The following PCDHA1 variants were observed in gnomAD, a reference collection of about 807,000 sequenced individuals.
PCDHA1 encodes the protein protocadherin alpha-1.
PCDHA1 carries 42 observed loss-of-function variants against 61.3 expected under a neutral mutation model. The ratio of observed to expected loss-of-function variants is 0.69; its 90% CI spans 0.54 to 0.89. PCDHA1 has a LOEUF of 0.89. PCDHA1 is among the 40% of genes least tolerant of loss of function. PCDHA1 has a pLI of 0.00. For synonymous variants in PCDHA1, 610 were observed against 553.8 expected (o/e 1.10, Z -1.43); for missense variants, 1,256 against 1,235.3 (o/e 1.02, Z -0.25).
At chr5:140,909,471 A>G (rs1398595420) in intron 1 of PCDHA1, among the ~76,000 whole-genome samples, 3 of 152,328 alleles carry the variant, frequency 2.0e-5, no homozygotes, top group African/African-American at 7.2e-5. Context: ...TCTTCTTCAC[A>G]GGCTAAATAG....
rs2150341542 is a variant in PCDHA1, at chr5:140,842,668, C to A, written c.2394+53984C>A. 1.2e-5 allele frequency: 19 copies of A among 1,595,382 alleles called. 1 individual carries two copies. Among genetic ancestry groups the A allele is most frequent in the East Asian group, 2.2e-5 (1 of 44,804 alleles). ...TGTCTGTGGAGGTGGCCGACGTGAACGACAATGCTCCGGCGTTCGCGCAGC... is the reference window on the plus strand; with the variant it reads ...TGTCTGTGGAGGTGGCCGACGTGAAAGACAATGCTCCGGCGTTCGCGCAGC... On this transcript the variant is annotated intron_variant, in intron 1 of 3. Transcript: ENST00000504120.
chr5:140,823,620 C>A, intron 1 of PCDHA1: 3 of 1,614,040 alleles, frequency 1.9e-6, no homozygotes, highest in South Asian at 1.1e-5. Context: ...CAGCGCCTGG[C>A]AGTGCGCGCA....
chr5:140,994,772 G>C (rs2097648880), intron 3 of PCDHA1, among the ~76,000 whole-genome samples: 2 of 152,118 alleles, frequency 1.3e-5, no homozygotes, highest in Non-Finnish European at 1.5e-5. Context: ...GAGAATTCCA[G>C]GCAAAGGAAA....
At chr5:140,959,591 A>C (rs2095498403) in intron 1 of PCDHA1, among the ~76,000 whole-genome samples, 1 of 152,220 alleles carries the variant, frequency 6.6e-6, no homozygotes, top group African/African-American at 2.4e-5. Context: ...CTATCAGCCA[A>C]GTATAACATG....
intron 1 of PCDHA1, chr5:140,928,189 G>A (rs1563102575): frequency 2.5e-6 from 4 of 1,614,214 alleles, no homozygotes; most frequent in Non-Finnish European, 3.4e-6. Context: ...GACAATCACT[G>A]TGTCAGTTGC....
At chr5:140,873,417 AATT>A (rs1443232738) in intron 1 of PCDHA1, among the ~76,000 whole-genome samples, 1 of 152,164 alleles carries the variant, frequency 6.6e-6, no homozygotes. Flanking sequence ...AAATTTTGTA[AATT>A]ATTATTTTAT....
At chr5:140,861,618 C>T (rs1035938345) in intron 1 of PCDHA1, 1 of 340,802 alleles carries the variant, frequency 2.9e-6, no homozygotes, top group Non-Finnish European at 6.0e-6. Flanking sequence ...AGACAACCTG[C>T]CAGTGTTCTC....
chr5:140,883,622 G>A, intron 1 of PCDHA1: 4 of 1,614,004 alleles, frequency 2.5e-6, no homozygotes, highest in Non-Finnish European at 3.4e-6. Context: ...GAACGACAAC[G>A]CGCCGGCGTT....
chr5:140,822,942 G>A, intron 1 of PCDHA1: 2 of 1,614,212 alleles, frequency 1.2e-6, no homozygotes, highest in African/African-American at 1.3e-5. Context: ...GCTCCCTAAT[G>A]CCCCACGTTC....
chr5:140,881,458 G>C (rs2058720447), intron 1 of PCDHA1: 1 of 671,966 alleles, frequency 1.5e-6, no homozygotes, highest in Non-Finnish European at 1.8e-6. Context: ...CAAAACCTTA[G>C]AGCATTGTTG....
chr5:140,845,017 A>T lies in PCDHA1; in HGVS notation c.2394+56333A>T, dbSNP rs1779662524. On this transcript the variant is annotated intron_variant, in intron 1 of 3. Transcript: ENST00000504120. ...TCACTTATGAACAAATAATGTAATC[A>T]TTTATGGGCATATTTTAGCCCCCTT... Among the ~76,000 whole-genome samples, 2 of 149,310 alleles carry T rather than the reference A, an allele frequency of 1.3e-5. 1 individual carries two copies. The highest frequency in any genetic ancestry group is 3.0e-5 in the Non-Finnish European group (2 of 66,738).
intron 1 of PCDHA1, chr5:140,822,934 T>C: frequency 6.2e-7 from 1 of 1,614,238 alleles, no homozygotes; most frequent in Non-Finnish European, 8.5e-7. Context: ...GGTGACCTGC[T>C]CCCTAATGCC....
chr5:141,000,304 G>A (rs1225893261), intron 3 of PCDHA1, among the ~76,000 whole-genome samples: 1 of 147,530 alleles, frequency 6.8e-6, no homozygotes, highest in Non-Finnish European at 1.5e-5. Context: ...GAGGCCAGGA[G>A]TTCAAGACCA....
At chr5:140,869,630 A>G in intron 1 of PCDHA1, 2 of 1,613,720 alleles carry the variant, frequency 1.2e-6, no homozygotes, top group Non-Finnish European at 8.5e-7. Context: ...AGTAAAAATG[A>G]GTATTTTTCT....
At chr5:140,994,433 T>G (rs2097622592) in intron 3 of PCDHA1, among the ~76,000 whole-genome samples, 1 of 152,204 alleles carries the variant, frequency 6.6e-6, no homozygotes, top group African/African-American at 2.4e-5. Flanking sequence ...CCGGGCGCAG[T>G]GGCTCACACC....
intron 1 of PCDHA1, among the ~76,000 whole-genome samples, chr5:140,827,804 G>C (rs1554130889): frequency 6.6e-6 from 1 of 152,206 alleles, no homozygotes; most frequent in East Asian, 1.9e-4. Flanking sequence ...AATTACAAAC[G>C]TGAGGAGGGT....
intron 1 of PCDHA1, among the ~76,000 whole-genome samples, chr5:140,961,280 C>G (rs246003): frequency 0.56 from 85,679 of 152,048 alleles, 24,751 homozygotes; most frequent in African/African-American, 0.69. Flanking sequence ...TACCATGGCT[C>G]TGTTTCTTGA....
chr5:140,822,989 C>G, intron 1 of PCDHA1: 1 of 1,614,244 alleles, frequency 6.2e-7, no homozygotes, highest in Non-Finnish European at 8.5e-7. Flanking sequence ...AATTACTACT[C>G]GTTGGTGCTG....
chr5:140,803,499 G>C, intron 1 of PCDHA1: 7 of 1,614,228 alleles, frequency 4.3e-6, no homozygotes, highest in East Asian at 2.2e-5. Context: ...GCCCAAGACC[G>C]ACCTCATGGC....
Sources: gnomAD v4.1 joint callset for allele counts (sites outside exome capture counted in the v4.1 genomes callset) on GRCh38, gnomAD v4.1.1 for gene constraint, MANE v1.5 for transcripts, NCBI Gene and HGNC (gene_info 2026-07-23, HGNC 2026-07-21) for gene names.